The following SPAST variants were observed in gnomAD, a reference collection of about 807,000 sequenced individuals.
SPAST encodes spastic paraplegia 4 (autosomal dominant; spastin).
Under a neutral mutation model 76.6 loss-of-function variants are expected in SPAST, and 30 were observed. The observed-to-expected ratio is 0.39, with a 90% confidence interval of 0.29 to 0.53. The LOEUF (loss-of-function observed/expected upper bound fraction) is 0.53. Ranked by LOEUF, SPAST falls within the 20% of genes least tolerant of loss-of-function variation. The probability of loss-of-function intolerance (pLI) is 0.68; values close to 1 mark genes in which losing one functional copy is unlikely to be tolerated. For synonymous variants in SPAST, 305 were observed against 281.0 expected, an observed-to-expected ratio of 1.09 and a Z score of -0.86; for missense variants, 717 against 770.5, an observed-to-expected ratio of 0.93 and a Z score of 0.82.
intron 5 of SPAST, 147 bp downstream of exon 5, chr2:32,114,972 T>TTTA (rs1266198249): frequency 1.5e-5 from 10 of 679,842 alleles, no homozygotes; most frequent in Non-Finnish European, 2.2e-5. Flanking sequence ...TTTTTTTTTT[T>TTTA]TTTGAGACTC....
At chr2:32,123,088 C>T (rs1393459557) in intron 7 of SPAST, among the ~76,000 whole-genome samples, 2 of 151,924 alleles carry the variant, frequency 1.3e-5, no homozygotes, top group Non-Finnish European at 2.9e-5. Context: ...ATGGTGAAAC[C>T]CCATCTCTAC....
intron 4 of SPAST, among the ~76,000 whole-genome samples, chr2:32,113,971 A>G (rs6543649): frequency 0.42 from 61,766 of 148,168 alleles, 12,932 homozygotes; most frequent in East Asian, 0.65. Flanking sequence ...TTGAGATGGA[A>G]TCTCTCTCTG....
At chr2:32,120,915 A>T (rs2148738682) in intron 7 of SPAST, among the ~76,000 whole-genome samples, 1 of 152,314 alleles carries the variant, frequency 6.6e-6, no homozygotes, top group Middle Eastern at 3.4e-3. Context: ...TCAAGATTTA[A>T]GTTGGAAACT....
chr2:32,147,994 G>T (rs868294194), intron 16 of SPAST, among the ~76,000 whole-genome samples: 1 of 149,696 alleles, frequency 6.7e-6, no homozygotes, highest in South Asian at 2.1e-4. Context: ...GTGCAGTGGT[G>T]CAATCGTGGC....
At position 32,090,612 on chromosome 2, in the gene SPAST, T is replaced by C. The variant is rs1191222052; in HGVS notation, c.586+1007T>C. ...TTTAATAATTTTTACTATTTTTTAATAATTTGTTTGTATCAGGATCTTAAA... is the reference window on the plus strand; with the variant it reads ...TTTAATAATTTTTACTATTTTTTAACAATTTGTTTGTATCAGGATCTTAAA... On this transcript the variant is annotated intron_variant, in intron 3 of 16. Transcript: ENST00000315285. Among the ~76,000 whole-genome samples, 6 of 152,216 alleles carry C rather than the reference T, an allele frequency of 3.9e-5. No homozygotes were observed. The East Asian group carries it at 1.2e-3, about 29-fold the overall frequency.
intron 1 of SPAST, among the ~76,000 whole-genome samples, chr2:32,068,080 G>C (rs1489013860): frequency 6.7e-6 from 1 of 150,084 alleles, no homozygotes; most frequent in Non-Finnish European, 1.5e-5. Context: ...CCGGGTTCAC[G>C]CCATTCTCCT....
intron 16 of SPAST, among the ~76,000 whole-genome samples, chr2:32,153,217 G>C (rs1193417938): frequency 2.0e-5 from 3 of 151,106 alleles, no homozygotes; most frequent in African/African-American, 7.3e-5. Flanking sequence ...TTGGAGTTTT[G>C]TTTAAAGTTC....
intron 15 of SPAST, among the ~76,000 whole-genome samples, chr2:32,146,241 T>TAA (rs962446446): frequency 2.6e-5 from 4 of 152,074 alleles, no homozygotes; most frequent in Non-Finnish European, 5.9e-5. Context: ...AATTTGGGTT[T>TAA]AAAAAAAGAT....
chr2:32,090,331 C>T (rs997494612), intron 3 of SPAST, among the ~76,000 whole-genome samples: 6 of 152,186 alleles, frequency 3.9e-5, no homozygotes, highest in African/African-American at 7.2e-5. Flanking sequence ...TACTGTCTGG[C>T]CCTGAGAAAG....
chr2:32,128,678 T>C (rs575329420), intron 9 of SPAST, 199 bp downstream of exon 9: 1 of 574,426 alleles, frequency 1.7e-6, no homozygotes, highest in South Asian at 2.0e-5. Flanking sequence ...ATTAGTTTAC[T>C]GGGGCCATGT....
At chr2:32,081,256 G>GT (rs1297303444) in intron 1 of SPAST, among the ~76,000 whole-genome samples, 1 of 151,150 alleles carries the variant, frequency 6.6e-6, no homozygotes, top group African/African-American at 2.4e-5. Context: ...CTCACCTGGC[G>GT]TTTTTTTGTG....
At chr2:32,136,003 A>G (rs1316973507) in intron 9 of SPAST, among the ~76,000 whole-genome samples, 2 of 151,828 alleles carry the variant, frequency 1.3e-5, no homozygotes, top group Admixed American at 6.6e-5. Context: ...ACTTGAACCC[A>G]GGAGGCAAAA....
At chr2:32,144,607 TG>T (rs1679824435) in intron 14 of SPAST, among the ~76,000 whole-genome samples, 2 of 152,266 alleles carry the variant, frequency 1.3e-5, no homozygotes, top group African/African-American at 4.8e-5. Context: ...CTGTTTCAGC[TG>T]GGTGCGGTGG....
chr2:32,093,429 C>T (rs1308456711), intron 3 of SPAST, among the ~76,000 whole-genome samples: 1 of 151,998 alleles, frequency 6.6e-6, no homozygotes, highest in African/African-American at 2.4e-5. Flanking sequence ...TTGCAGTAAG[C>T]AGAGACCACA....
At chr2:32,065,110 C>G (rs1320603094) in intron 1 of SPAST, among the ~76,000 whole-genome samples, 4 of 151,834 alleles carry the variant, frequency 2.6e-5, no homozygotes, top group South Asian at 4.2e-4. Context: ...ACCTCCGACT[C>G]CCTGGTTCCA....
At chr2:32,132,882 TA>T (rs1275703623) in intron 9 of SPAST, among the ~76,000 whole-genome samples, 1 of 152,048 alleles carries the variant, frequency 6.6e-6, no homozygotes, top group Non-Finnish European at 1.5e-5. Flanking sequence ...AAATCTCTAC[TA>T]AAAATACAAA....
In SPAST at chr2:32,137,140, T is replaced by C. The variant is rs1417318347; in HGVS notation, c.1445T>C (p.Val482Ala). The C allele has an allele frequency of 6.2e-7, 1 of 1,614,040 alleles. No individual in the cohort carries two copies. Among genetic ancestry groups the C allele is most frequent in the Admixed American group, 1.7e-5 (1 of 60,020 alleles). Residue 482 changes from valine to alanine, a missense_variant, in exon 12 of 17, where the codon GTA becomes GCA. Around this residue, in one of 3 missense-constraint regions of SPAST, gnomAD observed 78 missense variants for 197.6 expected, o/e 0.39. Transcript: ENST00000315285. ...VQSAGDDRVLVMGATNRPQEL... is the reference protein window; with the variant it reads ...VQSAGDDRVLAMGATNRPQEL... The stretch of plus-strand genomic sequence containing the variant: ...TCTGCTGGAGATGACAGAGTACTTG[T>C]AATGGGTGCAACTAATAGGCCACAA...
intron 4 of SPAST, among the ~76,000 whole-genome samples, chr2:32,109,107 A>G (rs1394068716): frequency 6.7e-6 from 1 of 148,716 alleles, no homozygotes; most frequent in African/African-American, 2.5e-5. Flanking sequence ...ATTATACCTC[A>G]GTAAATTTTT....
At chr2:32,119,685 A>G (rs977452796) in intron 7 of SPAST, among the ~76,000 whole-genome samples, 2 of 152,294 alleles carry the variant, frequency 1.3e-5, no homozygotes, top group Admixed American at 1.3e-4. Context: ...AAAGTAGCCA[A>G]TATTAATCTT....
Sources: allele counts gnomAD v4.1 joint callset (sites outside exome capture counted in the v4.1 genomes callset), GRCh38; gene constraint gnomAD v4.1.1; regional missense constraint gnomAD v4.1.1; transcripts MANE v1.5; gene names NCBI Gene and HGNC (gene_info 2026-07-23, HGNC 2026-07-21).